STAG1: variants seen among roughly 807,000 people sequenced by gnomAD.
The protein encoded by STAG1 is STAG1 cohesin complex component, also known as cohesin subunit SA-1.
A neutral mutation model predicts 170.9 loss-of-function variants in STAG1; 26 were observed. That is an observed-to-expected ratio of 0.15 (90% CI 0.11 to 0.21). The LOEUF is 0.21. STAG1 is among the 10% of genes least tolerant of loss of function. The pLI is 1.00. For missense variants in STAG1, 964 were observed against 1,509.5 expected (o/e 0.64, Z 5.99); for synonymous variants, 514 against 497.7 (o/e 1.03, Z -0.44).
At chr3:136,685,491 T>C (rs1203448145) in intron 1 of STAG1, among the ~76,000 whole-genome samples, 1 of 152,196 alleles carries the variant, frequency 6.6e-6, no homozygotes, top group Non-Finnish European at 1.5e-5. Flanking sequence ...TTTACTCAAA[T>C]GAGTTGAAAC....
At chr3:136,652,027 A>C (rs1941236921) in intron 1 of STAG1, among the ~76,000 whole-genome samples, 2 of 152,248 alleles carry the variant, frequency 1.3e-5, no homozygotes, top group African/African-American at 4.8e-5. Context: ...AGAAAGTAGA[A>C]AGATCACAGG....
chr3:136,747,596 G>C (rs1386377174), intron 1 of STAG1, among the ~76,000 whole-genome samples: 1 of 151,742 alleles, frequency 6.6e-6, no homozygotes, highest in African/African-American at 2.4e-5. Context: ...CCCCACCTGA[G>C]CCTGGGGAGG....
intron 6 of STAG1, among the ~76,000 whole-genome samples, chr3:136,531,219 C>T (rs890034484): frequency 1.3e-5 from 2 of 150,732 alleles, no homozygotes; most frequent in African/African-American, 4.9e-5. Context: ...GATACCATCT[C>T]ACACCAGTTA....
At chr3:136,350,912 C>T (rs1434990274) in intron 28 of STAG1, among the ~76,000 whole-genome samples, 2 of 152,162 alleles carry the variant, frequency 1.3e-5, no homozygotes, top group African/African-American at 4.8e-5. Context: ...GGAAGTTCAA[C>T]AGAGAAAACC....
At chr3:136,355,494 A>T (rs371337203) in intron 28 of STAG1, among the ~76,000 whole-genome samples, 1 of 152,120 alleles carries the variant, frequency 6.6e-6, no homozygotes, top group Admixed American at 6.6e-5. Flanking sequence ...CCCACTTTCA[A>T]TAATGAATAG....
intron 1 of STAG1, among the ~76,000 whole-genome samples, chr3:136,677,951 A>C (rs1170061409): frequency 6.8e-6 from 1 of 147,456 alleles, no homozygotes; most frequent in African/African-American, 2.5e-5. Context: ...ATTATATTTT[A>C]TATATGTATA....
intron 1 of STAG1, among the ~76,000 whole-genome samples, chr3:136,641,315 C>T (rs1470021136): frequency 2.0e-5 from 3 of 151,684 alleles, no homozygotes; most frequent in Admixed American, 6.6e-5. Flanking sequence ...TTTTTTAAAA[C>T]GTATTAAAAG....
At chr3:136,363,515 A>C in intron 25 of STAG1, 48 bp from the exon 26 acceptor site, 5 of 786,882 alleles carry the variant, frequency 6.4e-6, no homozygotes, top group South Asian at 2.0e-5. Context: ...CTGACATTTC[A>C]TGAGATAAAG....
chr3:136,390,557 CT>C (rs1474485815), intron 22 of STAG1, among the ~76,000 whole-genome samples: 1 of 152,136 alleles, frequency 6.6e-6, no homozygotes, highest in African/African-American at 2.4e-5. Flanking sequence ...AAAGGAAAGG[CT>C]TAGAACTAAC....
intron 8 of STAG1, 142 bp from the exon 9 acceptor site, chr3:136,500,438 T>C (rs1361825832): frequency 1.8e-6 from 1 of 569,064 alleles, no homozygotes; most frequent in African/African-American, 1.9e-5. Flanking sequence ...TGTGTGAAAA[T>C]ACCAGTATAT....
intron 2 of STAG1, among the ~76,000 whole-genome samples, chr3:136,626,585 TATTTA>T (rs1940105974): frequency 6.6e-6 from 1 of 152,214 alleles, no homozygotes; most frequent in Non-Finnish European, 1.5e-5. Context: ...TTCAACATTT[TATTTA>T]AAAGAGGCAT....
At chr3:136,715,800 T>C (rs541522528) in intron 1 of STAG1, among the ~76,000 whole-genome samples, 4 of 151,558 alleles carry the variant, frequency 2.6e-5, no homozygotes, top group African/African-American at 9.7e-5. Flanking sequence ...AAAACATATA[T>C]ATAAACTGAA....
At chr3:136,548,170 G>C (rs1936239135) in intron 5 of STAG1, among the ~76,000 whole-genome samples, 1 of 151,592 alleles carries the variant, frequency 6.6e-6, no homozygotes. Flanking sequence ...CTGGAGTGCA[G>C]TGGTATGATC....
intron 5 of STAG1, among the ~76,000 whole-genome samples, chr3:136,543,904 T>C (rs1203110714): frequency 6.6e-6 from 1 of 152,206 alleles, no homozygotes; most frequent in Non-Finnish European, 1.5e-5. Flanking sequence ...CATTTTTTTT[T>C]CTGATACATT....
chr3:136,411,212 G>T (rs548964466), intron 21 of STAG1, among the ~76,000 whole-genome samples: 3 of 152,034 alleles, frequency 2.0e-5, no homozygotes, highest in Non-Finnish European at 4.4e-5. Context: ...GTAAATGATC[G>T]ATTGGTTTTC....
At chr3:136,625,346 T>C (rs757871952) in intron 2 of STAG1, among the ~76,000 whole-genome samples, 1 of 152,206 alleles carries the variant, frequency 6.6e-6, no homozygotes, top group African/African-American at 2.4e-5. Flanking sequence ...GTAACTTCTA[T>C]GCAAATGACT....
intron 2 of STAG1, among the ~76,000 whole-genome samples, chr3:136,625,577 T>C (rs1037011078): frequency 5.3e-5 from 8 of 152,232 alleles, no homozygotes; most frequent in Non-Finnish European, 1.0e-4. Flanking sequence ...ATTATACAAA[T>C]TTATTGTCAC....
At chr3:136,611,974 A>T (rs1441998230) in intron 3 of STAG1, among the ~76,000 whole-genome samples, 1 of 151,618 alleles carries the variant, frequency 6.6e-6, no homozygotes, top group African/African-American at 2.4e-5. Flanking sequence ...CAGCCTCCCG[A>T]GTAGCTGGGA....
At chr3:136,492,547 G>C (rs1006582269) in intron 9 of STAG1, among the ~76,000 whole-genome samples, 1 of 152,132 alleles carries the variant, frequency 6.6e-6, no homozygotes, top group Non-Finnish European at 1.5e-5. Flanking sequence ...AAACCAAATT[G>C]CACAAAATGA....
Sources: allele counts gnomAD v4.1 joint callset (sites outside exome capture counted in the v4.1 genomes callset), GRCh38; gene constraint gnomAD v4.1.1; transcripts MANE v1.5; gene names NCBI Gene and HGNC (gene_info 2026-07-23, HGNC 2026-07-21).